Variants in NRG3 observed in about 807,000 individuals in gnomAD.
NRG3 encodes pro-neuregulin-3, membrane-bound isoform.
NRG3 carries 31 observed loss-of-function variants against 66.9 expected under a neutral mutation model. That is an observed-to-expected ratio of 0.46 (90% CI 0.35 to 0.63). The LOEUF (loss-of-function observed/expected upper bound fraction) is 0.63, where lower values mean the gene tolerates loss of function less well. Among genes scored for constraint, NRG3 ranks in the 20% least tolerant of loss-of-function variants. NRG3 has a pLI of 0.00. For synonymous variants in NRG3, 393 were observed against 359.4 expected, an observed-to-expected ratio of 1.09 and a Z score of -1.06; for missense variants, 910 against 878.9, an observed-to-expected ratio of 1.04 and a Z score of -0.45.
intron 2 of NRG3, among the ~76,000 whole-genome samples, chr10:82,717,481 G>C (rs1221198309): frequency 5.7e-5 from 8 of 140,044 alleles, no homozygotes; most frequent in African/African-American, 2.2e-4. Flanking sequence ...CTCACTGCAA[G>C]CTCTGCCTCC....
In NRG3 at chr10:82,689,615, T is replaced by A. The variant is rs78714970; in HGVS notation, c.954-48962T>A. Among the ~76,000 whole-genome samples, 48 of 152,292 alleles carry A rather than the reference T, an allele frequency of 3.2e-4. No individual in the cohort carries two copies. The East Asian group carries it at 8.7e-3, about 28-fold the overall frequency. On this transcript the variant is annotated intron_variant, in intron 2 of 8. Coordinates refer to ENST00000372141, the MANE Select transcript of NRG3 (RefSeq NM_001010848.4). ...CATAACACAATGTTTATGTTTAAAATTGTGATATGAGTTGAATGACTTTCC... is the reference window on the plus strand; with the variant it reads ...CATAACACAATGTTTATGTTTAAAAATGTGATATGAGTTGAATGACTTTCC...
chr10:82,198,692 C>G (rs2074584701), intron 1 of NRG3, among the ~76,000 whole-genome samples: 1 of 152,048 alleles, frequency 6.6e-6, no homozygotes, highest in African/African-American at 2.4e-5. Flanking sequence ...ATGATTCTAA[C>G]TAACGTACTG....
At chr10:82,834,249 G>C (rs1014591827) in intron 3 of NRG3, among the ~76,000 whole-genome samples, 2 of 152,082 alleles carry the variant, frequency 1.3e-5, no homozygotes, top group African/African-American at 4.8e-5. Context: ...TGAGCCCACT[G>C]ATTTTTTAAT....
intron 2 of NRG3, among the ~76,000 whole-genome samples, chr10:82,675,682 T>C (rs1197030555): frequency 6.6e-6 from 1 of 152,146 alleles, no homozygotes; most frequent in Non-Finnish European, 1.5e-5. Flanking sequence ...AACCTATAAA[T>C]TAAATGCCTC....
intron 1 of NRG3, among the ~76,000 whole-genome samples, chr10:82,214,617 C>T (rs568996318): frequency 6.7e-6 from 1 of 150,144 alleles, no homozygotes; most frequent in African/African-American, 2.5e-5. Flanking sequence ...CACATGCCAC[C>T]ACACCTGGCT....
At chr10:82,785,973 G>T (rs1366239249) in intron 3 of NRG3, among the ~76,000 whole-genome samples, 1 of 152,122 alleles carries the variant, frequency 6.6e-6, no homozygotes, top group Non-Finnish European at 1.5e-5. Context: ...GTAGGGCCAT[G>T]GCGATCTACT....
At chr10:82,942,525 A>G (rs1325124967) in intron 4 of NRG3, among the ~76,000 whole-genome samples, 3 of 152,186 alleles carry the variant, frequency 2.0e-5, no homozygotes, top group Non-Finnish European at 4.4e-5. Flanking sequence ...AGCACAATTT[A>G]TTTTTCTTAA....
intron 2 of NRG3, among the ~76,000 whole-genome samples, chr10:82,428,230 CTTAT>C (rs1295862751): frequency 6.6e-5 from 10 of 151,570 alleles, no homozygotes; most frequent in South Asian, 2.1e-4. Flanking sequence ...TTTTCTTCTG[CTTAT>C]TTAGTTTGCT....
At chr10:82,488,475 G>A (rs977355318) in intron 2 of NRG3, among the ~76,000 whole-genome samples, 3 of 152,140 alleles carry the variant, frequency 2.0e-5, no homozygotes, top group African/African-American at 7.2e-5. Flanking sequence ...CCCTTGTTTT[G>A]TTTTTATCAC....
chr10:82,670,437 C>T (rs755960160), intron 2 of NRG3, among the ~76,000 whole-genome samples: 1 of 152,124 alleles, frequency 6.6e-6, no homozygotes, highest in Non-Finnish European at 1.5e-5. Context: ...TGAGCTCAGT[C>T]ACGCTTATTA....
At chr10:82,601,726 T>A (rs537551450) in intron 2 of NRG3, among the ~76,000 whole-genome samples, 1 of 151,482 alleles carries the variant, frequency 6.6e-6, no homozygotes, top group South Asian at 2.1e-4. Flanking sequence ...TAAAGTATGG[T>A]AGATAGAGTG....
intron 2 of NRG3, among the ~76,000 whole-genome samples, chr10:82,643,907 CACA>C (rs2050759414): frequency 1.6e-3 from 3 of 1,848 alleles, no homozygotes; most frequent in Non-Finnish European, 2.9e-3. Context: ...CACACACCCA[CACA>C]CACACACACA....
intron 4 of NRG3, among the ~76,000 whole-genome samples, chr10:82,932,482 T>C (rs1014426059): frequency 2.0e-5 from 3 of 152,162 alleles, no homozygotes; most frequent in Admixed American, 1.3e-4. Flanking sequence ...AGGTACCAAT[T>C]TGAGTATGCA....
At chr10:82,923,567 G>A (rs564468672) in intron 4 of NRG3, among the ~76,000 whole-genome samples, 6 of 152,178 alleles carry the variant, frequency 3.9e-5, no homozygotes, top group African/African-American at 1.4e-4. Context: ...ATCAATAATT[G>A]TAAATACCTG....
At chr10:81,917,933 A>C (rs753419805) in intron 1 of NRG3, among the ~76,000 whole-genome samples, 82 of 152,258 alleles carry the variant, frequency 5.4e-4, no homozygotes, top group South Asian at 6.2e-4. Flanking sequence ...TTTTAGACAA[A>C]AGTGGCGGAC....
At chr10:82,451,139 C>T (rs1413754205) in intron 2 of NRG3, among the ~76,000 whole-genome samples, 1 of 152,162 alleles carries the variant, frequency 6.6e-6, no homozygotes, top group Non-Finnish European at 1.5e-5. Context: ...TCAACTTATA[C>T]ACACCTCAAG....
At chr10:82,830,214 TATAAACACTCAG>T (rs2062447905) in intron 3 of NRG3, among the ~76,000 whole-genome samples, 1 of 152,228 alleles carries the variant, frequency 6.6e-6, no homozygotes, top group Admixed American at 6.5e-5. Context: ...TTTAACTTTG[TATAAACACTCAG>T]ATATCTTGCA....
intron 1 of NRG3, among the ~76,000 whole-genome samples, chr10:81,917,130 C>T (rs753227585): frequency 3.9e-5 from 6 of 152,140 alleles, no homozygotes; most frequent in African/African-American, 1.2e-4. Flanking sequence ...AATGGAGAAG[C>T]TTGATTGCAT....
At chr10:82,912,716 G>A (rs1359859420) in intron 4 of NRG3, among the ~76,000 whole-genome samples, 1 of 151,838 alleles carries the variant, frequency 6.6e-6, no homozygotes, top group Non-Finnish European at 1.5e-5. Flanking sequence ...GATGACCTGG[G>A]TTTTTGTTTC....
Sources: gnomAD v4.1 joint callset for allele counts (sites outside exome capture counted in the v4.1 genomes callset) on GRCh38, gnomAD v4.1.1 for gene constraint, MANE v1.5 for transcripts, NCBI Gene and HGNC (gene_info 2026-07-23, HGNC 2026-07-21) for gene names.